SPNS3: variants seen among roughly 807,000 people sequenced by gnomAD.
SPNS3 encodes the protein protein spinster homolog 3.
In SPNS3, 51 loss-of-function variants were observed where a neutral mutation model predicts 54.4. That is an observed-to-expected ratio of 0.94 (90% CI 0.75 to 1.18). The LOEUF is 1.18. Ranked by LOEUF, SPNS3 falls within the 50% of genes most tolerant of loss-of-function variation. The pLI is 0.00. For synonymous variants in SPNS3, 309 were observed against 294.7 expected (o/e 1.05, Z -0.50); for missense variants, 669 against 677.4 (o/e 0.99, Z 0.14).
rs201912448 is a variant in SPNS3, at chr17:4,449,297, G to C, written c.833G>C (p.Gly278Ala). 8.1e-4 allele frequency: 1,310 copies of C among 1,612,612 alleles called. 20 individuals carry two copies. In the South Asian group the frequency reaches 0.013, roughly 16 times the overall value. The stretch of plus-strand genomic sequence containing the variant: ...ATGGCCTTTGTGACTGGAGCCCTGG[G>C]GTTCTGGGCCCCCAAGTTTCTGCTC... ...TAMAFVTGAL[G>A]FWAPKFLLEA... is the part of the protein sequence containing the mutation. The change falls in exon 7 of 12, where the codon GGG (glycine) becomes GCG (alanine). Residue 278 changes from glycine to alanine, a missense_variant. Physicochemically the swap from Gly to Ala is moderately conservative, Grantham distance 60. Transcript: ENST00000355530.
intron 8 of SPNS3, among the ~76,000 whole-genome samples, chr17:4,472,580 C>A (rs913631013): frequency 2.0e-5 from 3 of 152,020 alleles, no homozygotes; most frequent in Admixed American, 2.0e-4. Flanking sequence ...GAGTGGAGTC[C>A]GTGATTGGAG....
Position 4,461,361 on chromosome 17 carries a change from C to CTTTTTTTTTTTTTTTTTTTTTTTTTT in SPNS3, c.1113+8157_1113+8182dup, listed in dbSNP as rs55928003. ...TATTTGCTTTCTTTTCTTTTCTTTT[C>CTTTTTTTTTTTTTTTTTTTTTTTTTT]TTTTTTTTTTTTTTTTTTTTTTTTT... is the stretch of plus-strand genomic sequence containing the variant. On this transcript the variant is annotated intron_variant, in intron 8 of 11. Transcript: ENST00000355530. Among the ~76,000 whole-genome samples, 23 of 33,414 alleles carry CTTTTTTTTTTTTTTTTTTTTTTTTTT rather than the reference C, an allele frequency of 6.9e-4. 3 individuals carry two copies. Among genetic ancestry groups the CTTTTTTTTTTTTTTTTTTTTTTTTTT allele is most frequent in the Non-Finnish European group, 1.3e-3 (22 of 16,576 alleles). 21.9% of individuals were successfully genotyped at this position (33,414 alleles called of 152,430 possible). A position where few individuals can be genotyped will look rare whatever the true frequency, so the allele number is the denominator to read the frequency against.
chr17:4,458,472 TTTTC>T (rs1244269688), intron 8 of SPNS3, among the ~76,000 whole-genome samples: 1 of 77,860 alleles, frequency 1.3e-5, no homozygotes, highest in African/African-American at 3.0e-5. Flanking sequence ...TTTCTTTCCA[TTTTC>T]TTTCTTTTCT....
intron 8 of SPNS3, among the ~76,000 whole-genome samples, chr17:4,464,774 A>G (rs1971633450): frequency 1.3e-5 from 2 of 152,186 alleles, no homozygotes; most frequent in South Asian, 4.2e-4. Context: ...TCCGCCTCCC[A>G]GGTTCAAGCG....
chr17:4,464,453 T>C (rs1410215061), intron 8 of SPNS3, among the ~76,000 whole-genome samples: 1 of 152,080 alleles, frequency 6.6e-6, no homozygotes, highest in East Asian at 1.9e-4. Flanking sequence ...GTGGGCTTTG[T>C]GGTCAAGGTG....
chr17:4,446,226 C>A, intron 4 of SPNS3, 27 bp downstream of exon 4: 3 of 1,589,596 alleles, frequency 1.9e-6, no homozygotes, highest in Non-Finnish European at 2.6e-6. Context: ...GGTCTACTTC[C>A]CCAGGTGGTA....
intron 2 of SPNS3, among the ~76,000 whole-genome samples, chr17:4,441,343 T>C (rs1311135993): frequency 6.6e-6 from 1 of 151,658 alleles, no homozygotes; most frequent in East Asian, 1.9e-4. Flanking sequence ...GGCAATATAG[T>C]GAGACCCTAT....
intron 6 of SPNS3, 99 bp downstream of exon 6, chr17:4,448,402 G>C (rs1971061411): frequency 8.0e-7 from 1 of 1,243,072 alleles, no homozygotes; most frequent in African/African-American, 1.6e-5. Context: ...GCCCTCCCTG[G>C]TTGTCCCAGT....
At chr17:4,480,885 G>A (rs751382774) in intron 9 of SPNS3, among the ~76,000 whole-genome samples, 2 of 152,278 alleles carry the variant, frequency 1.3e-5, no homozygotes, top group South Asian at 2.1e-4. Flanking sequence ...CCGGAGCCCC[G>A]TGGCCAAAGA....
intron 1 of SPNS3, among the ~76,000 whole-genome samples, chr17:4,435,291 C>T (rs114506215): frequency 0.028 from 4,248 of 151,414 alleles, 174 homozygotes; most frequent in African/African-American, 0.098. Context: ...AGCATGGTAG[C>T]GGGCACCTGT....
intron 8 of SPNS3, among the ~76,000 whole-genome samples, chr17:4,470,921 T>A (rs1971837450): frequency 6.6e-6 from 1 of 152,086 alleles, no homozygotes; most frequent in Non-Finnish European, 1.5e-5. Context: ...ATTCACAGTC[T>A]GTTCTTTTTC....
chr17:4,486,336 G>A lies in SPNS3; in HGVS notation c.1278+10G>A, dbSNP rs779684058. 1.8e-5 allele frequency: 29 copies of A among 1,597,202 alleles called. No homozygotes were observed. The highest frequency in any genetic ancestry group is 2.4e-5 in the Non-Finnish European group (28 of 1,171,484). On this transcript the variant is annotated intron_variant, in intron 10 of 11. Coordinates refer to ENST00000355530, the MANE Select transcript of SPNS3 (RefSeq NM_182538.5). The surrounding 1 kb of genome is among the most constrained non-coding windows in gnomAD (Gnocchi z 5.5). Reference sequence around the variant, plus strand: ...CTATCTCACAGGACTTGTAAGACGTGTCTGCGTGTGTGGGGTGGGGAGGGT... The same window carrying A: ...CTATCTCACAGGACTTGTAAGACGTATCTGCGTGTGTGGGGTGGGGAGGGT...
chr17:4,486,478 A>G lies in SPNS3; in HGVS notation c.1345A>G (p.Ser449Gly). 1 of 1,613,428 alleles carries G rather than the reference A, an allele frequency of 6.2e-7. No individual in the cohort carries two copies. The highest frequency in any genetic ancestry group is 8.5e-7 in the Non-Finnish European group (1 of 1,179,852). ...YLQRFRSLQQ[S>G]FLCCAFVIAL... ...GCAGCGCTTCCGCAGCCTGCAGCAG[A>G]GCTTCCTGTGCTGCGCCTTTGTCAT... The change falls in exon 11 of 12, where the codon AGC becomes GGC. Residue 449 changes from serine (S) to glycine (G), a missense_variant. By Grantham distance (56) the Ser-to-Gly change is moderately conservative (BLOSUM62 0). Transcript: ENST00000355530. The surrounding 1 kb of genome is among the most constrained non-coding windows in gnomAD (Gnocchi z 5.5).
intron 8 of SPNS3, among the ~76,000 whole-genome samples, chr17:4,463,801 G>A (rs554003267): frequency 6.6e-6 from 1 of 151,530 alleles, no homozygotes; most frequent in East Asian, 1.9e-4. Flanking sequence ...CATGCTAAAT[G>A]TATATTGTAT....
chr17:4,475,072 C>T (rs577882601), intron 8 of SPNS3, among the ~76,000 whole-genome samples: 3 of 151,798 alleles, frequency 2.0e-5, no homozygotes, highest in African/African-American at 4.8e-5. Context: ...AGCATGGATA[C>T]TTCTGTGTGT....
intron 2 of SPNS3, among the ~76,000 whole-genome samples, chr17:4,444,609 G>A (rs9905331): frequency 1.3e-5 from 2 of 152,086 alleles, no homozygotes; most frequent in South Asian, 2.1e-4. Context: ...CGTTGCCCCA[G>A]TAGGTGCATG....
rs1322552610 is a variant in SPNS3, at chr17:4,463,515, G to A, written c.1113+10310G>A. Among the ~76,000 whole-genome samples, 3 of 151,806 alleles carry A rather than the reference G, an allele frequency of 2.0e-5. No individual in the cohort carries two copies. The East Asian group carries it at 5.8e-4, about 29-fold the overall frequency. Reference sequence around the variant, plus strand: ...GGTCAAGGTGGGCGAATCACTTGAGGTCATGAGTTCGAGACCAGCCTGGCC... The same window carrying A: ...GGTCAAGGTGGGCGAATCACTTGAGATCATGAGTTCGAGACCAGCCTGGCC... On this transcript the variant is annotated intron_variant, in intron 8 of 11. Transcript: ENST00000355530.
In SPNS3 at chr17:4,486,139, C is replaced by T. The variant is rs1470477271; in HGVS notation, c.1180-89C>T. 5.0e-6 allele frequency: 6 copies of T among 1,199,860 alleles called. No homozygotes were observed. The highest frequency in any genetic ancestry group is 6.7e-6 in the Non-Finnish European group (6 of 889,684). 74.3% of individuals were successfully genotyped at this position (1,199,860 alleles called of 1,614,324 possible). On this transcript the variant is annotated intron_variant, in intron 9 of 11. Transcript: ENST00000355530. This position sits in a 1 kb window ranked among gnomAD's most constrained non-coding sequence, Gnocchi z 5.5. ...TCCCACTCACCTGAATGGCCTGTCA[C>T]TCCTCCAGGCAGGTCCTTGGCAGGT...
rs560492407 is a variant in SPNS3, at chr17:4,447,330, T to G, written c.621+368T>G. Among the ~76,000 whole-genome samples the G allele has an allele frequency of 3.3e-5, 5 of 152,178 alleles. No individual in the cohort carries two copies. The East Asian group carries it at 9.7e-4, about 29-fold the overall frequency. On this transcript the variant is annotated intron_variant, in intron 5 of 11. Coordinates refer to ENST00000355530, the MANE Select transcript of SPNS3 (RefSeq NM_182538.5). ...CAAGCCGCAGGGTCAGGGTGTAGAG[T>G]AGGCCCTTGAGGACTGGCAGCTAGG...
Sources: allele counts gnomAD v4.1 joint callset (sites outside exome capture counted in the v4.1 genomes callset), GRCh38; gene constraint gnomAD v4.1.1; non-coding constraint Gnocchi (gnomAD v3.1); transcripts MANE v1.5; gene names NCBI Gene and HGNC (gene_info 2026-07-23, HGNC 2026-07-21).